ZNF680: variants seen among roughly 807,000 people sequenced by gnomAD.
The protein encoded by ZNF680 is zinc finger protein 680, also known as hypothetical protein FLJ90430.
ZNF680 carries 6 observed loss-of-function variants against 12.1 expected under a neutral mutation model. The ratio of observed to expected loss-of-function variants is 0.49; its 90% confidence interval spans 0.27 to 0.98. ZNF680 has a LOEUF of 0.98. ZNF680 is among the 50% of genes least tolerant of loss of function. The probability of loss-of-function intolerance (pLI) is 0.12; values close to 1 mark genes in which losing one functional copy is unlikely to be tolerated. For synonymous variants in ZNF680, 170 were observed against 199.3 expected (o/e 0.85, Z 1.24); for missense variants, 561 against 616.3 (o/e 0.91, Z 0.95).
chr7:64,555,725 TA>T (rs200640611), intron 1 of ZNF680, among the ~76,000 whole-genome samples: 2,847 of 121,884 alleles, frequency 0.023, 56 homozygotes, highest in African/African-American at 0.075. Flanking sequence ...TAAACCTTTG[TA>T]AAAAAAAATA....
At chr7:64,529,078 A>G (rs988298090) in intron 3 of ZNF680, among the ~76,000 whole-genome samples, 1 of 152,174 alleles carries the variant, frequency 6.6e-6, no homozygotes, top group African/African-American at 2.4e-5. Context: ...GGAGATAACA[A>G]TCAATACAGC....
At chr7:64,544,142 G>A (rs139179897) in intron 2 of ZNF680, 164 bp downstream of exon 2, 22 of 1,016,268 alleles carry the variant, frequency 2.2e-5, no homozygotes, top group Middle Eastern at 4.8e-4. Context: ...AAGATGAAAC[G>A]TACTGAAGGA....
chr7:64,525,046 C>A (rs1459000603), intron 3 of ZNF680: 3 of 151,990 alleles, frequency 2.0e-5, no homozygotes, highest in Admixed American at 6.6e-5. Context: ...GAAACAGCAA[C>A]CCCCAAAGTA....
the ZNF680 span, among the ~76,000 whole-genome samples, chr7:64,507,861 ACACACACACACACACAC>A: frequency 3.4e-5 from 4 of 116,156 alleles, no homozygotes; most frequent in African/African-American, 1.1e-4. Context: ...ACACACACAC[ACACACACACACACACAC>A]ATTTTTTTAT....
chr7:64,539,649 C>T (rs944931203), intron 3 of ZNF680, among the ~76,000 whole-genome samples: 2 of 152,010 alleles, frequency 1.3e-5, no homozygotes, highest in Non-Finnish European at 2.9e-5. Flanking sequence ...TTAACATGCT[C>T]GAAATGTACA....
chr7:64,539,401 T>G (rs1786379937), intron 3 of ZNF680, among the ~76,000 whole-genome samples: 2 of 144,346 alleles, frequency 1.4e-5, no homozygotes, highest in African/African-American at 5.3e-5. Context: ...TCCCATTTTA[T>G]TATAAATGTT....
chr7:64,504,332 G>A, the ZNF680 span, among the ~76,000 whole-genome samples: 12 of 152,190 alleles, frequency 7.9e-5, no homozygotes, highest in Non-Finnish European at 1.6e-4. Flanking sequence ...GCACTTGTTT[G>A]GGTGGTATTC....
At chr7:64,510,607 C>T in the ZNF680 span, among the ~76,000 whole-genome samples, 1 of 151,946 alleles carries the variant, frequency 6.6e-6, no homozygotes, top group Non-Finnish European at 1.5e-5. Flanking sequence ...AATTTTCTAG[C>T]AGGTAAAAAA....
intron 1 of ZNF680, among the ~76,000 whole-genome samples, chr7:64,553,846 C>T (rs1488202755): frequency 1.3e-5 from 2 of 152,186 alleles, no homozygotes; most frequent in African/African-American, 2.4e-5. Flanking sequence ...CACGGCCTCC[C>T]GAGGTGCCGG....
rs768328270 is a variant in ZNF680, at chr7:64,521,231, T to C, written c.1523A>G (p.His508Arg). ...TTTCTCACCAGTATGAATTTTCTTATGTCTAGTAAGGTGTGAGGACCGGTT... is the reference window on the plus strand; with the variant it reads ...TTTCTCACCAGTATGAATTTTCTTACGTCTAGTAAGGTGTGAGGACCGGTT... ...AFNRSSHLTR[H>R]KKIHTGEKLY... Residue 508 changes from histidine to arginine, a missense_variant, in exon 4 of 4, where the codon CAT becomes CGT. By Grantham distance (29) the His-to-Arg change is conservative. Transcript: ENST00000309683. 2 of 1,613,490 alleles carry C rather than the reference T, an allele frequency of 1.2e-6. No individual in the cohort carries two copies. Among genetic ancestry groups the C allele is most frequent in the Admixed American group, 1.7e-5 (1 of 59,996 alleles).
At chr7:64,515,343 C>G (rs111243249), downstream of ZNF680, among the ~76,000 whole-genome samples, 4 of 151,954 alleles carry the variant, frequency 2.6e-5, no homozygotes, top group East Asian at 1.9e-4. Context: ...AGCACCCCCC[C>G]CTAAAAAATC....
the ZNF680 span, among the ~76,000 whole-genome samples, chr7:64,507,878 C>T: frequency 1.0e-4 from 12 of 119,542 alleles, no homozygotes; most frequent in African/African-American, 3.5e-4. Context: ...CACACACACA[C>T]ATTTTTTTAT....
Position 64,520,964 on chromosome 7 carries a change from C to A in ZNF680, c.*197G>T. 3.6e-6 allele frequency: 2 copies of A among 554,116 alleles called. No individual in the cohort carries two copies. The highest frequency in any genetic ancestry group is 3.6e-5 in the Admixed American group (1 of 27,772). The allele number at this position is 554,116 out of a possible 1,614,324, so 34.3% of individuals were successfully genotyped here. A position where few individuals can be genotyped will look rare whatever the true frequency, so the allele number is the denominator to read the frequency against. ...TTCTTTATACTTGTACAATCTTTCT[C>A]AAGTAAAAATGCTTTCCTGTGCAAT... On this transcript the variant is annotated 3_prime_UTR_variant, in exon 4 of 4. Coordinates refer to ENST00000309683, the MANE Select transcript of ZNF680 (RefSeq NM_178558.5).
At chr7:64,555,651 C>A (rs940301483) in intron 1 of ZNF680, among the ~76,000 whole-genome samples, 1 of 150,592 alleles carries the variant, frequency 6.6e-6, no homozygotes, top group Non-Finnish European at 1.5e-5. Flanking sequence ...AAGAAATAAC[C>A]AAAATCAGAT....
the ZNF680 span, among the ~76,000 whole-genome samples, chr7:64,505,081 AGAATT>A: frequency 6.6e-6 from 1 of 152,242 alleles, no homozygotes; most frequent in South Asian, 2.1e-4. Context: ...TCCTTTAGCC[AGAATT>A]TTAGATTTTA....
At chr7:64,539,372 A>G (rs1434248660) in intron 3 of ZNF680, among the ~76,000 whole-genome samples, 1 of 57,384 alleles carries the variant, frequency 1.7e-5, no homozygotes, top group South Asian at 5.2e-4. Context: ...AAAAAAAAAA[A>G]AAAGAAAAGA....
intron 3 of ZNF680, among the ~76,000 whole-genome samples, chr7:64,523,112 T>A (rs926220914): frequency 6.6e-6 from 1 of 152,054 alleles, no homozygotes; most frequent in African/African-American, 2.4e-5. Context: ...CACATACAAA[T>A]AGAATTCCTT....
intron 3 of ZNF680, among the ~76,000 whole-genome samples, chr7:64,543,046 A>G (rs924375880): frequency 4.6e-5 from 7 of 151,320 alleles, no homozygotes; most frequent in Admixed American, 1.3e-4. Context: ...TTGAAAGCAT[A>G]AATATTGTTA....
the ZNF680 span, among the ~76,000 whole-genome samples, chr7:64,506,314 G>C: frequency 6.7e-6 from 1 of 150,224 alleles, no homozygotes; most frequent in Non-Finnish European, 1.5e-5. Flanking sequence ...CCATTCTCCT[G>C]CCTCGACCTC....
Sources: allele counts gnomAD v4.1 joint callset (sites outside exome capture counted in the v4.1 genomes callset), GRCh38; gene constraint gnomAD v4.1.1; transcripts MANE v1.5; gene names NCBI Gene and HGNC (gene_info 2026-07-23, HGNC 2026-07-21).